GNB5: variants seen among roughly 807,000 people sequenced by gnomAD.
GNB5 encodes G protein subunit beta 5, also known as guanine nucleotide-binding protein subunit beta-5.
GNB5 carries 37 observed loss-of-function variants against 55.3 expected under a neutral mutation model. The ratio of observed to expected loss-of-function variants is 0.67; its 90% confidence interval spans 0.51 to 0.88. GNB5 has a LOEUF of 0.88. Among genes scored for constraint, GNB5 ranks in the 40% least tolerant of loss-of-function variants. The pLI is 0.00. For missense variants in GNB5, 476 were observed against 515.3 expected (o/e 0.92, Z 0.74); for synonymous variants, 219 against 198.5 (o/e 1.10, Z -0.87).
intron 1 of GNB5, among the ~76,000 whole-genome samples, chr15:52,189,213 G>A (rs1022260620): frequency 1.3e-5 from 2 of 152,168 alleles, no homozygotes; most frequent in African/African-American, 2.4e-5. Flanking sequence ...TGTGGAAAAC[G>A]GTTTGGCAGT....
At chr15:52,131,045 C>G (rs768261771) in intron 9 of GNB5, among the ~76,000 whole-genome samples, 14 of 152,234 alleles carry the variant, frequency 9.2e-5, no homozygotes, top group Non-Finnish European at 1.8e-4. Flanking sequence ...AGGCTAGTCT[C>G]AAACTCCTGA....
chr15:52,160,411 T>C (rs577667149), intron 3 of GNB5, among the ~76,000 whole-genome samples: 1 of 152,114 alleles, frequency 6.6e-6, no homozygotes, highest in African/African-American at 2.4e-5. Context: ...GTTGGTGTAC[T>C]AGGAGCTGCG....
At chr15:52,148,308 C>T (rs1460345610) in intron 5 of GNB5, among the ~76,000 whole-genome samples, 2 of 152,144 alleles carry the variant, frequency 1.3e-5, no homozygotes, top group Admixed American at 6.5e-5. Flanking sequence ...TAAACCATCC[C>T]AGGGAAGGTA....
intron 3 of GNB5, among the ~76,000 whole-genome samples, chr15:52,167,570 C>G (rs1402412532): frequency 6.6e-6 from 1 of 151,910 alleles, no homozygotes; most frequent in Non-Finnish European, 1.5e-5. Flanking sequence ...ACTCAGGAGG[C>G]TGAGGCAGGA....
At chr15:52,133,033 T>C (rs1417540392) in intron 9 of GNB5, among the ~76,000 whole-genome samples, 2 of 152,166 alleles carry the variant, frequency 1.3e-5, no homozygotes, top group Non-Finnish European at 2.9e-5. Context: ...GTCTAGTTTG[T>C]CTCCTGTAAG....
intron 9 of GNB5, chr15:52,128,492 G>C: frequency 1.6e-6 from 1 of 627,212 alleles, no homozygotes. Context: ...ACAGAACACA[G>C]AGTAGACCCC....
chr15:52,153,868 G>C, intron 4 of GNB5, 72 bp downstream of exon 4: 1 of 1,318,508 alleles, frequency 7.6e-7, no homozygotes, highest in South Asian at 1.4e-5. Flanking sequence ...CTTTTGGAAA[G>C]GGACAGCTCT....
At chr15:52,141,611 GA>G (rs201670153) in intron 6 of GNB5, among the ~76,000 whole-genome samples, 6 of 145,636 alleles carry the variant, frequency 4.1e-5, no homozygotes, top group Admixed American at 6.8e-5. Flanking sequence ...CTGTAAAACT[GA>G]AAAAAAAAAT....
intron 3 of GNB5, among the ~76,000 whole-genome samples, chr15:52,165,057 A>G (rs2034423459): frequency 1.3e-5 from 2 of 152,248 alleles, no homozygotes; most frequent in Non-Finnish European, 2.9e-5. Context: ...TAAGAATGTC[A>G]CGATGCAATC....
At chr15:52,147,618 A>C in intron 5 of GNB5, 83 bp from the exon 6 acceptor site, 1 of 670,960 alleles carries the variant, frequency 1.5e-6, no homozygotes. Context: ...ATGGAGTCTC[A>C]CTCTGTTGCC....
At chr15:52,139,399 T>C (rs1038200696) in intron 7 of GNB5, among the ~76,000 whole-genome samples, 1 of 152,176 alleles carries the variant, frequency 6.6e-6, no homozygotes, top group African/African-American at 2.4e-5. Context: ...GAGGCTTCAG[T>C]GAGCCCAGAC....
chr15:52,166,648 G>A (rs989211984), intron 3 of GNB5, among the ~76,000 whole-genome samples: 1 of 152,098 alleles, frequency 6.6e-6, no homozygotes, highest in African/African-American at 2.4e-5. Context: ...AGAACTAAGA[G>A]ACAACGTACC....
At chr15:52,176,247 G>A (rs1453584101) in intron 3 of GNB5, among the ~76,000 whole-genome samples, 1 of 152,114 alleles carries the variant, frequency 6.6e-6, no homozygotes, top group South Asian at 2.1e-4. Flanking sequence ...GCTCAATGGG[G>A]AGCCCTGCAA....
At chr15:52,134,917 G>A (rs1206427561) in intron 8 of GNB5, among the ~76,000 whole-genome samples, 1 of 151,956 alleles carries the variant, frequency 6.6e-6, no homozygotes, top group Admixed American at 6.6e-5. Flanking sequence ...TCCATCTACT[G>A]CTTGTACCAT....
chr15:52,148,392 T>G (rs907310899), intron 5 of GNB5, among the ~76,000 whole-genome samples: 1 of 152,028 alleles, frequency 6.6e-6, no homozygotes, highest in Non-Finnish European at 1.5e-5. Context: ...AATGGAAACA[T>G]TAAGAACTAA....
chr15:52,161,649 T>C (rs545591502), intron 3 of GNB5, among the ~76,000 whole-genome samples: 1 of 152,348 alleles, frequency 6.6e-6, no homozygotes, highest in African/African-American at 2.4e-5. Flanking sequence ...CTAGAGAGCC[T>C]AGATCAGGAG....
chr15:52,124,742 A>G, intron 11 of GNB5, 103 bp from the exon 12 acceptor site: 2 of 974,964 alleles, frequency 2.1e-6, no homozygotes, highest in Non-Finnish European at 3.2e-6. Context: ...ATTCAGGCGC[A>G]CTGAGTCCTA....
intron 7 of GNB5, among the ~76,000 whole-genome samples, chr15:52,136,172 A>ACACACCC (rs1168734914): frequency 4.1e-4 from 41 of 100,114 alleles, no homozygotes; most frequent in Admixed American, 1.4e-3. Context: ...ACACACACAC[A>ACACACCC]CCCTACCTGC....
chr15:52,147,391 T>A, intron 6 of GNB5, 68 bp downstream of exon 6: 1 of 897,804 alleles, frequency 1.1e-6, no homozygotes, highest in Non-Finnish European at 1.9e-6. Context: ...TGTTTGTTTG[T>A]TTTTGCCAAG....
Sources: allele counts gnomAD v4.1 joint callset (sites outside exome capture counted in the v4.1 genomes callset), GRCh38; gene constraint gnomAD v4.1.1; transcripts MANE v1.5; gene names NCBI Gene and HGNC (gene_info 2026-07-23, HGNC 2026-07-21).